Variants in CYP7B1 observed in about 807,000 individuals in gnomAD.
CYP7B1 encodes the protein cytochrome P450 7B1.
In CYP7B1, 29 loss-of-function variants were observed where a neutral mutation model predicts 42.7. That is an observed-to-expected ratio of 0.68 (90% CI 0.51 to 0.93). The LOEUF (loss-of-function observed/expected upper bound fraction) is 0.93, where lower values mean the gene tolerates loss of function less well. Among genes scored for constraint, CYP7B1 ranks in the 40% least tolerant of loss-of-function variants. CYP7B1 has a pLI of 0.00. For missense variants in CYP7B1, 655 were observed against 600.5 expected (o/e 1.09, Z -0.95); for synonymous variants, 235 against 218.2 (o/e 1.08, Z -0.68).
chr8:64,686,237 C>T (rs1397876183), intron 1 of CYP7B1, among the ~76,000 whole-genome samples: 20 of 39,972 alleles, frequency 5.0e-4, no homozygotes, highest in Non-Finnish European at 7.0e-4. Flanking sequence ...GTGGGGGGGT[C>T]GGCCCCCCGC....
intron 1 of CYP7B1, among the ~76,000 whole-genome samples, chr8:64,755,909 T>C (rs1807800848): frequency 6.6e-6 from 1 of 152,192 alleles, no homozygotes; most frequent in Admixed American, 6.5e-5. Context: ...AATCATCAAA[T>C]CAGTTGCAAA....
intron 1 of CYP7B1, among the ~76,000 whole-genome samples, chr8:64,690,427 T>C (rs1374841476): frequency 3.3e-5 from 5 of 152,026 alleles, no homozygotes; most frequent in Non-Finnish European, 5.9e-5. Context: ...CAAAAAGTAA[T>C]GAGCAAACCC....
At chr8:64,725,052 A>G (rs950120482) in intron 1 of CYP7B1, among the ~76,000 whole-genome samples, 45 of 152,240 alleles carry the variant, frequency 3.0e-4, no homozygotes. Context: ...AGCCAAGAAG[A>G]ATCTGAACAG....
At chr8:64,678,154 A>G (rs1444151228) in intron 1 of CYP7B1, among the ~76,000 whole-genome samples, 1 of 152,140 alleles carries the variant, frequency 6.6e-6, no homozygotes, top group Non-Finnish European at 1.5e-5. Context: ...CTCTCAGTAT[A>G]GGGACTATGG....
At chr8:64,587,794 A>G (rs1804988632), downstream of CYP7B1, 1 of 152,226 alleles carries the variant, frequency 6.6e-6, no homozygotes, top group Non-Finnish European at 1.5e-5. Flanking sequence ...TACAGATTTG[A>G]GAGCTCTGAA....
chr8:64,752,520 T>C (rs1585894644), intron 1 of CYP7B1, among the ~76,000 whole-genome samples: 1 of 152,174 alleles, frequency 6.6e-6, no homozygotes, highest in East Asian at 1.9e-4. Context: ...CTAATGACTT[T>C]AAAATATGCT....
At chr8:64,681,243 C>T (rs1023959985) in intron 1 of CYP7B1, among the ~76,000 whole-genome samples, 8 of 152,146 alleles carry the variant, frequency 5.3e-5, no homozygotes, top group Non-Finnish European at 1.0e-4. Context: ...ACACTACTTC[C>T]CATTCTCTGG....
chr8:64,722,856 G>C (rs759727527), intron 1 of CYP7B1, among the ~76,000 whole-genome samples: 8 of 151,332 alleles, frequency 5.3e-5, no homozygotes, highest in Non-Finnish European at 1.2e-4. Flanking sequence ...ACAATGACTG[G>C]AAGCCTGATC....
intron 1 of CYP7B1, among the ~76,000 whole-genome samples, chr8:64,639,260 A>G (rs1211663839): frequency 6.6e-6 from 1 of 152,120 alleles, no homozygotes; most frequent in Admixed American, 6.6e-5. Flanking sequence ...TTCTTGTCCA[A>G]CGTTAAAAAT....
chr8:64,668,817 G>A (rs930881107), intron 1 of CYP7B1, among the ~76,000 whole-genome samples: 21 of 150,976 alleles, frequency 1.4e-4, no homozygotes, highest in Admixed American at 7.9e-4. Context: ...GATAATGATT[G>A]CATTTATAAA....
At chr8:64,780,948 A>C (rs1007520374) in intron 1 of CYP7B1, among the ~76,000 whole-genome samples, 4 of 152,150 alleles carry the variant, frequency 2.6e-5, no homozygotes, top group Non-Finnish European at 5.9e-5. Context: ...CTGAGTCTCA[A>C]TACCTTCAAT....
chr8:64,610,356 T>C (rs1383300790), intron 4 of CYP7B1, among the ~76,000 whole-genome samples: 2 of 152,174 alleles, frequency 1.3e-5, no homozygotes, highest in Non-Finnish European at 2.9e-5. Context: ...TTCACCCACT[T>C]CCTCCAGTTA....
chr8:64,739,240 C>T (rs1304149768), intron 1 of CYP7B1, among the ~76,000 whole-genome samples: 1 of 152,160 alleles, frequency 6.6e-6, no homozygotes, highest in Admixed American at 6.6e-5. Flanking sequence ...TACAGGCCCC[C>T]TAAAAGACTG....
intron 5 of CYP7B1, among the ~76,000 whole-genome samples, chr8:64,602,452 T>C (rs1805218089): frequency 6.6e-6 from 1 of 152,118 alleles, no homozygotes; most frequent in Non-Finnish European, 1.5e-5. Context: ...TAGAGTCTTT[T>C]GGAGGTTGGA....
chr8:64,779,376 T>C (rs554016663), intron 1 of CYP7B1, among the ~76,000 whole-genome samples: 6 of 152,242 alleles, frequency 3.9e-5, no homozygotes, highest in African/African-American at 1.4e-4. Context: ...AATAGGCTCA[T>C]AGACAATTCT....
intron 1 of CYP7B1, among the ~76,000 whole-genome samples, chr8:64,776,030 A>G (rs1804320767): frequency 6.6e-6 from 1 of 152,110 alleles, no homozygotes; most frequent in Non-Finnish European, 1.5e-5. Flanking sequence ...TACTTCATAA[A>G]CAGCATGGTC....
At chr8:64,694,315 A>T (rs758803286) in intron 1 of CYP7B1, among the ~76,000 whole-genome samples, 4 of 152,218 alleles carry the variant, frequency 2.6e-5, no homozygotes, top group Non-Finnish European at 4.4e-5. Context: ...TTAAACCAAC[A>T]CTGCCACCAA....
chr8:64,738,179 A>C (rs1254973655), intron 1 of CYP7B1, among the ~76,000 whole-genome samples: 16 of 152,218 alleles, frequency 1.1e-4, no homozygotes, highest in African/African-American at 4.8e-5. Context: ...AATTGTAAAA[A>C]TACTTTTCTA....
chr8:64,713,371 G>GA lies in CYP7B1; in HGVS notation c.122+85094dup, dbSNP rs10710932. On this transcript the variant is annotated intron_variant, in intron 1 of 5. Transcript: ENST00000310193. The stretch of plus-strand genomic sequence containing the variant: ...AGCAAAGAAGCAGGAAAACATAGAG[G>GA]AAAAAAAAAATCAATCTATCAATAA... 8.0e-4 allele frequency among the ~76,000 whole-genome samples: 121 copies of GA among 150,780 alleles called. 1 individual carries two copies. The highest frequency in any genetic ancestry group is 2.8e-3 in the African/African-American group (113 of 40,812).
Sources: gnomAD v4.1 joint callset for allele counts (sites outside exome capture counted in the v4.1 genomes callset) on GRCh38, gnomAD v4.1.1 for gene constraint, MANE v1.5 for transcripts, NCBI Gene and HGNC (gene_info 2026-07-23, HGNC 2026-07-21) for gene names.